The following NIBAN1 variants were observed in gnomAD, a reference collection of about 807,000 sequenced individuals.
NIBAN1 encodes niban apoptosis regulator 1, also known as protein Niban 1.
NIBAN1 carries 81 observed loss-of-function variants against 75.1 expected under a neutral mutation model. The observed-to-expected ratio is 1.08, with a 90% CI of 0.90 to 1.30. The LOEUF (loss-of-function observed/expected upper bound fraction) is 1.30, where lower values mean the gene tolerates loss of function less well. Among genes scored for constraint, NIBAN1 ranks in the 50% most tolerant of loss-of-function variants. The probability of loss-of-function intolerance (pLI) is 0.00; values close to 1 mark genes in which losing one functional copy is unlikely to be tolerated. For missense variants in NIBAN1, 1,133 were observed against 1,128.1 expected, an observed-to-expected ratio of 1.00 and a Z score of -0.06; for synonymous variants, 436 against 424.8, an observed-to-expected ratio of 1.03 and a Z score of -0.32.
intron 1 of NIBAN1, among the ~76,000 whole-genome samples, chr1:184,960,433 T>G (rs975024234): frequency 1.3e-5 from 2 of 152,108 alleles, no homozygotes; most frequent in Non-Finnish European, 2.9e-5. Flanking sequence ...CATTACAGTT[T>G]AAAATTTTTT....
intron 9 of NIBAN1, among the ~76,000 whole-genome samples, chr1:184,809,656 C>T (rs1211475153): frequency 2.2e-5 from 3 of 139,328 alleles, no homozygotes; most frequent in Non-Finnish European, 4.5e-5. Context: ...TATATATACA[C>T]ATATATATGT....
At chr1:184,870,970 T>C (rs1296604413) in intron 5 of NIBAN1, among the ~76,000 whole-genome samples, 1 of 152,188 alleles carries the variant, frequency 6.6e-6, no homozygotes, top group African/African-American at 2.4e-5. Flanking sequence ...AATACGGTCA[T>C]TGCATATGTA....
chr1:184,796,369 T>C (rs1250281707), intron 13 of NIBAN1, among the ~76,000 whole-genome samples: 2 of 152,164 alleles, frequency 1.3e-5, no homozygotes, highest in Non-Finnish European at 2.9e-5. Flanking sequence ...ATAGCCTTTG[T>C]TTTCAAGACA....
intron 5 of NIBAN1, among the ~76,000 whole-genome samples, chr1:184,843,689 TG>T (rs1278342939): frequency 2.0e-5 from 3 of 152,194 alleles, no homozygotes; most frequent in African/African-American, 7.2e-5. Context: ...TCTAAGACAG[TG>T]AGTGCAAAAC....
chr1:184,818,882 A>G, intron 8 of NIBAN1, 57 bp from the exon 9 acceptor site: 2 of 1,534,220 alleles, frequency 1.3e-6, no homozygotes, highest in Middle Eastern at 2.4e-4. Flanking sequence ...GTTTGTGGGC[A>G]CTGGAGCCAG....
chr1:184,929,294 C>T (rs949824876), intron 1 of NIBAN1, among the ~76,000 whole-genome samples: 2 of 151,966 alleles, frequency 1.3e-5, no homozygotes, highest in African/African-American at 4.8e-5. Flanking sequence ...GAGTTTGACA[C>T]GTATTTATAA....
intron 5 of NIBAN1, among the ~76,000 whole-genome samples, chr1:184,878,596 C>T (rs1041370118): frequency 6.6e-6 from 1 of 152,146 alleles, no homozygotes; most frequent in Non-Finnish European, 1.5e-5. Flanking sequence ...ATCGAGAAGC[C>T]AGATATACTC....
At chr1:184,873,247 A>T (rs1656155385) in intron 5 of NIBAN1, among the ~76,000 whole-genome samples, 1 of 152,250 alleles carries the variant, frequency 6.6e-6, no homozygotes, top group South Asian at 2.1e-4. Context: ...AAATTCTACA[A>T]GATGTACTTC....
chr1:184,868,033 A>G, intron 5 of NIBAN1: 2 of 985,424 alleles, frequency 2.0e-6, no homozygotes, highest in Non-Finnish European at 2.4e-6. Context: ...TGATTGCATG[A>G]GCCATGCCCT....
At chr1:184,851,991 C>T (rs2102264645) in intron 5 of NIBAN1, among the ~76,000 whole-genome samples, 1 of 152,218 alleles carries the variant, frequency 6.6e-6, no homozygotes, top group African/African-American at 2.4e-5. Flanking sequence ...GCCACAGTCC[C>T]ACCACGCGGG....
intron 1 of NIBAN1, among the ~76,000 whole-genome samples, chr1:184,900,525 A>C (rs541622683): frequency 6.6e-6 from 1 of 152,362 alleles, no homozygotes; most frequent in South Asian, 2.1e-4. Context: ...GTCTCTCAGC[A>C]CCGAAAGTAA....
At chr1:184,903,677 C>T (rs1657011145) in intron 1 of NIBAN1, among the ~76,000 whole-genome samples, 1 of 151,424 alleles carries the variant, frequency 6.6e-6, no homozygotes, top group Non-Finnish European at 1.5e-5. Context: ...GAAGTAGATG[C>T]CAGCATTATG....
rs141927465 is a variant in NIBAN1, at chr1:184,908,435, CAG to C, written c.56-9128_56-9127del. Among the ~76,000 whole-genome samples, 511 of 152,240 alleles carry C rather than the reference CAG, an allele frequency of 3.4e-3. 8 individuals carry two copies. In the East Asian group the frequency reaches 0.039, roughly 11 times the overall value. On this transcript the variant is annotated intron_variant, in intron 1 of 13. Transcript: ENST00000367511. ...AGTAAGAGAAATGGGAGAAGATGGACAGAGAGGAAAAAACACACTACCATTTC... is the reference window on the plus strand; with the variant it reads ...AGTAAGAGAAATGGGAGAAGATGGACAGAGGAAAAAACACACTACCATTTC...
At chr1:184,917,112 T>C (rs2102012986) in intron 1 of NIBAN1, among the ~76,000 whole-genome samples, 1 of 152,282 alleles carries the variant, frequency 6.6e-6, no homozygotes, top group Non-Finnish European at 1.5e-5. Context: ...GCTGTGCGCT[T>C]GGCTCCGCTG....
At chr1:184,953,160 T>TG (rs1173278774) in intron 1 of NIBAN1, among the ~76,000 whole-genome samples, 6 of 152,218 alleles carry the variant, frequency 3.9e-5, no homozygotes, top group Admixed American at 2.6e-4. Context: ...ATTAGTGCAA[T>TG]GAGTCTTTAC....
intron 13 of NIBAN1, among the ~76,000 whole-genome samples, chr1:184,796,740 G>T (rs1653882703): frequency 1.3e-5 from 2 of 152,210 alleles, no homozygotes; most frequent in Admixed American, 6.5e-5. Flanking sequence ...CACATCTCAG[G>T]GGTGCCATTC....
At chr1:184,936,206 T>G (rs1170912795) in intron 1 of NIBAN1, among the ~76,000 whole-genome samples, 1 of 152,098 alleles carries the variant, frequency 6.6e-6, no homozygotes, top group African/African-American at 2.4e-5. Context: ...GTGCTCTGCT[T>G]GGACTATGAT....
At chr1:184,965,447 C>T (rs997627441) in intron 1 of NIBAN1, among the ~76,000 whole-genome samples, 5 of 152,164 alleles carry the variant, frequency 3.3e-5, no homozygotes, top group African/African-American at 1.2e-4. Context: ...ATCTTTGCTA[C>T]TGTGAATAGT....
chr1:184,856,134 G>T (rs371489235), intron 5 of NIBAN1, among the ~76,000 whole-genome samples: 1 of 152,102 alleles, frequency 6.6e-6, no homozygotes, highest in Admixed American at 6.6e-5. Flanking sequence ...CACAAGTCTA[G>T]AATGTTCAAT....
Sources: allele counts gnomAD v4.1 joint callset (sites outside exome capture counted in the v4.1 genomes callset), GRCh38; gene constraint gnomAD v4.1.1; transcripts MANE v1.5; gene names NCBI Gene and HGNC (gene_info 2026-07-23, HGNC 2026-07-21).